Variants in POTEI observed in about 807,000 individuals in gnomAD.
POTEI encodes the protein POTE ankyrin domain family, member I.
Under a neutral mutation model 43.4 loss-of-function variants are expected in POTEI, and 14 were observed. The observed-to-expected ratio is 0.32, with a 90% CI of 0.21 to 0.50. The LOEUF (loss-of-function observed/expected upper bound fraction) is 0.50. Among genes scored for constraint, POTEI ranks in the 20% least tolerant of loss-of-function variants. POTEI has a pLI of 0.98. For synonymous variants in POTEI, 95 were observed against 297.9 expected, an observed-to-expected ratio of 0.32 and a Z score of 7.01; for missense variants, 235 against 795.4, an observed-to-expected ratio of 0.30 and a Z score of 8.47.
chr2:130,493,002 T>C (rs1223948649), intron 6 of POTEI, among the ~76,000 whole-genome samples: 3 of 148,828 alleles, frequency 2.0e-5, no homozygotes, highest in African/African-American at 7.4e-5. Flanking sequence ...TCTTTTTTCA[T>C]TTTGTTATTT....
chr2:130,468,705 G>C (rs866237746), intron 13 of POTEI, among the ~76,000 whole-genome samples: 3 of 50,304 alleles, frequency 6.0e-5, no homozygotes, highest in African/African-American at 3.3e-4. Context: ...CAAACTATTG[G>C]GGGGGGGGGT....
In POTEI at chr2:130,482,300, A is replaced by G. The variant is rs1162461132; in HGVS notation, c.1410-227T>C. On this transcript the variant is annotated intron_variant, in intron 9 of 14. Transcript: ENST00000451531. The stretch of plus-strand genomic sequence containing the variant: ...TCATAAATCGAGGGCACTGTGACCC[A>G]GTAAATTAACTTGCATTAGCCTGAC... Among the ~76,000 whole-genome samples the G allele has an allele frequency of 4.8e-5, 7 of 144,380 alleles. No homozygotes were observed. In the East Asian group the frequency reaches 9.9e-4, roughly 21 times the overall value. The allele number at this position is 144,380 out of a possible 152,430, so 94.7% of individuals were successfully genotyped here.
rs2261405 is a variant in POTEI, at chr2:130,493,552, A to C, written c.1127-2812T>G. ...GCTGACCTGCTGCTCTTTGCTCTTCAGTATTCACCAGAAAATTTCCTCCTT... is the reference window on the plus strand; with the variant it reads ...GCTGACCTGCTGCTCTTTGCTCTTCCGTATTCACCAGAAAATTTCCTCCTT... On this transcript the variant is annotated intron_variant, in intron 6 of 14. Transcript: ENST00000451531. Among the ~76,000 whole-genome samples the C allele has an allele frequency of 8.5e-5, 3 of 35,502 alleles. 1 individual carries two copies. Among genetic ancestry groups the C allele is most frequent in the African/African-American group, 2.1e-4 (3 of 14,350 alleles). The allele number at this position is 35,502 out of a possible 152,430, so 23.3% of individuals were successfully genotyped here.
At chr2:130,467,837 A>C (rs1682889512) in intron 13 of POTEI, among the ~76,000 whole-genome samples, 2 of 144,874 alleles carry the variant, frequency 1.4e-5, no homozygotes, top group Admixed American at 6.8e-5. Flanking sequence ...GAAGAGGTAC[A>C]AACGGTAAAC....
At chr2:130,468,662 A>C (rs1682937292) in intron 13 of POTEI, among the ~76,000 whole-genome samples, 1 of 149,842 alleles carries the variant, frequency 6.7e-6, no homozygotes, top group Non-Finnish European at 1.5e-5. Context: ...GGTAATTACA[A>C]TTTGACATGA....
intron 9 of POTEI, among the ~76,000 whole-genome samples, chr2:130,485,062 C>A (rs1477434952): frequency 1.3e-5 from 2 of 151,908 alleles, no homozygotes; most frequent in African/African-American, 2.4e-5. Flanking sequence ...ACATCAGTAG[C>A]CCAATTTTGG....
intron 6 of POTEI, among the ~76,000 whole-genome samples, chr2:130,495,207 T>C (rs1683879365): frequency 2.1e-5 from 1 of 46,630 alleles, no homozygotes; most frequent in African/African-American, 4.8e-5. Context: ...TGGCACATAA[T>C]CAATATATAA....
At chr2:130,468,294 T>C (rs1682914826) in intron 13 of POTEI, among the ~76,000 whole-genome samples, 1 of 149,000 alleles carries the variant, frequency 6.7e-6, no homozygotes, top group South Asian at 2.1e-4. Flanking sequence ...ATGTATCATA[T>C]ATATGTATGT....
chr2:130,464,570 T>C (rs1682777768), intron 14 of POTEI, among the ~76,000 whole-genome samples: 5 of 150,282 alleles, frequency 3.3e-5, no homozygotes, highest in Admixed American at 3.3e-4. Flanking sequence ...AACCACACCA[T>C]CCTAAGAGCC....
In POTEI at chr2:130,463,832, G is replaced by C. The variant is rs200199864; in HGVS notation, c.2212C>G (p.Pro738Ala). 1,974 of 1,530,512 alleles carry C rather than the reference G, an allele frequency of 1.3e-3. 45 individuals carry two copies. The African/African-American group carries it at 0.027, about 21-fold the overall frequency. 94.8% of individuals were successfully genotyped at this position (1,530,512 alleles called of 1,614,324 possible). A position where few individuals can be genotyped will look rare whatever the true frequency, so the allele number is the denominator to read the frequency against. Residue 738 changes from proline (P) to alanine (A), a missense_variant, in exon 15 of 15, where the codon CCC becomes GCC. Pro to Ala is a conservative substitution (Grantham distance 27). Coordinates refer to ENST00000451531, the MANE Select transcript of POTEI (RefSeq NM_001277406.2). ...RAVFPSIVGR[P>A]RQQGMMGGMH... is the part of the protein sequence containing the mutation. ...CCCCCCATCATGCCCTGCTGCCTGGGGCGCCCCACGATGGAAGGGAAGACA... is the reference window on the plus strand; with the variant it reads ...CCCCCCATCATGCCCTGCTGCCTGGCGCGCCCCACGATGGAAGGGAAGACA...
rs748009967 is a variant in POTEI at position 130,496,635 on chromosome 2, A to T, written c.1056-13T>A. The T allele has an allele frequency of 5.9e-5, 75 of 1,270,578 alleles. 3 individuals are homozygous for T. The East Asian group carries it at 1.8e-3, about 30-fold the overall frequency. 78.7% of individuals were successfully genotyped at this position (1,270,578 alleles called of 1,614,324 possible). ...TAACTGGCAAATTCTATGTATAAAA[A>T]TGTAATAAACCAAATTACTATTTTA... On this transcript the variant is annotated splice_polypyrimidine_tract_variant and intron_variant, in intron 5 of 14. Transcript: ENST00000451531.
At position 130,496,758 on chromosome 2, in the gene POTEI, T is replaced by C. The variant is rs1304960310; in HGVS notation, c.1056-136A>G. The C allele has an allele frequency of 3.1e-5, 17 of 556,536 alleles. 1 individual carries two copies. In the Admixed American group the frequency reaches 5.5e-4, roughly 18 times the overall value. The allele number at this position is 556,536 out of a possible 1,614,324, so 34.5% of individuals were successfully genotyped here. A position where few individuals can be genotyped will look rare whatever the true frequency, so the allele number is the denominator to read the frequency against. ...TTAATAGTATTATCCCATCCACTTA[T>C]GAGTACATTCTACAAACTTCTCTTT... On this transcript the variant is annotated intron_variant, in intron 5 of 14. Coordinates refer to ENST00000451531, the MANE Select transcript of POTEI (RefSeq NM_001277406.2).
chr2:130,479,722 A>G (rs1442511156), intron 10 of POTEI, among the ~76,000 whole-genome samples: 1 of 46,156 alleles, frequency 2.2e-5, no homozygotes, highest in Non-Finnish European at 4.1e-5. Flanking sequence ...TTACACCATA[A>G]CCAGAACGCC....
At chr2:130,480,649 CT>C (rs1026590993) in intron 10 of POTEI, among the ~76,000 whole-genome samples, 5 of 108,282 alleles carry the variant, frequency 4.6e-5, no homozygotes, top group African/African-American at 1.7e-4. Flanking sequence ...TCACATATGT[CT>C]GGCACATAAT....
At chr2:130,505,066 C>T (rs1414716325) in intron 1 of POTEI, among the ~76,000 whole-genome samples, 1 of 149,476 alleles carries the variant, frequency 6.7e-6, no homozygotes, top group Non-Finnish European at 1.5e-5. Context: ...TTCCCTCTTC[C>T]CACCCTCCAC....
intron 5 of POTEI, 66 bp from the exon 6 acceptor site, chr2:130,496,688 G>A: frequency 6.6e-7 from 1 of 1,519,266 alleles, no homozygotes; most frequent in Non-Finnish European, 8.9e-7. Context: ...CTTACCAAAT[G>A]TAGAATTATT....
intron 13 of POTEI, among the ~76,000 whole-genome samples, chr2:130,468,449 T>A (rs1299689605): frequency 3.3e-5 from 5 of 152,168 alleles, no homozygotes; most frequent in African/African-American, 1.2e-4. Flanking sequence ...CTCAGGAAAC[T>A]TAACAACCAT....
chr2:130,478,910 A>C (rs1241851354), intron 10 of POTEI, among the ~76,000 whole-genome samples: 1 of 58,760 alleles, frequency 1.7e-5, no homozygotes, highest in Non-Finnish European at 3.4e-5. Flanking sequence ...GTGAGTTATA[A>C]ATGCTGATTA....
At chr2:130,505,071 C>T (rs557837468) in intron 1 of POTEI, among the ~76,000 whole-genome samples, 30 of 149,732 alleles carry the variant, frequency 2.0e-4, no homozygotes, top group Middle Eastern at 3.4e-3. Context: ...TCTTCCCACC[C>T]TCCACCCTCT....
Sources: allele counts gnomAD v4.1 joint callset (sites outside exome capture counted in the v4.1 genomes callset), GRCh38; gene constraint gnomAD v4.1.1; transcripts MANE v1.5; gene names NCBI Gene and HGNC (gene_info 2026-07-23, HGNC 2026-07-21).